Variants in ZNF716 observed in about 807,000 individuals in gnomAD.
ZNF716 encodes zinc finger protein 716.
A neutral mutation model predicts 13.4 loss-of-function variants in ZNF716; 9 were observed. The ratio of observed to expected loss-of-function variants is 0.67; its 90% CI spans 0.41 to 1.18. The LOEUF is 1.18. ZNF716 is among the 50% of genes most tolerant of loss of function. The pLI, the probability that ZNF716 is intolerant of heterozygous loss-of-function variation, is 0.01. For missense variants in ZNF716, 581 were observed against 576.6 expected (o/e 1.01, Z -0.08); for synonymous variants, 186 against 195.2 (o/e 0.95, Z 0.39).
At chr7:57,451,441 A>ATTTTTTTTTTTT (rs782311074) in intron 1 of ZNF716, among the ~76,000 whole-genome samples, 1 of 89,036 alleles carries the variant, frequency 1.1e-5, no homozygotes, top group African/African-American at 4.6e-5. Flanking sequence ...TTTCCCTTGG[A>ATTTTTTTTTTTT]TTTTTTTTTT....
At chr7:57,450,837 G>A (rs1397992292) in intron 1 of ZNF716, among the ~76,000 whole-genome samples, 5 of 151,990 alleles carry the variant, frequency 3.3e-5, no homozygotes, top group Non-Finnish European at 5.9e-5. Flanking sequence ...GAGACTTGAA[G>A]GAAAGTTTGT....
intron 3 of ZNF716, among the ~76,000 whole-genome samples, chr7:57,466,444 C>T (rs1789816999): frequency 1.3e-5 from 2 of 151,732 alleles, no homozygotes; most frequent in Non-Finnish European, 1.5e-5. Flanking sequence ...TGACTTGGCA[C>T]AATCCCCTTG....
intron 1 of ZNF716, among the ~76,000 whole-genome samples, chr7:57,451,770 CTTT>C (rs76825087): frequency 1.5e-5 from 2 of 136,120 alleles, no homozygotes; most frequent in Admixed American, 7.5e-5. Context: ...CTCTTTCTTT[CTTT>C]TTTTTTTTTT....
At chr7:57,452,587 A>G (rs1789516559) in intron 1 of ZNF716, among the ~76,000 whole-genome samples, 1 of 152,074 alleles carries the variant, frequency 6.6e-6, no homozygotes, top group Non-Finnish European at 1.5e-5. Context: ...GCAGTGAGCC[A>G]AGATGGTGCC....
At chr7:57,468,251 C>T (rs1773515346) in intron 3 of ZNF716, among the ~76,000 whole-genome samples, 1 of 152,178 alleles carries the variant, frequency 6.6e-6, no homozygotes, top group African/African-American at 2.4e-5. Context: ...TTAACATTCA[C>T]TTTTGATTTC....
chr7:57,463,841 AC>A (rs1465518020), intron 3 of ZNF716, among the ~76,000 whole-genome samples: 1 of 151,960 alleles, frequency 6.6e-6, no homozygotes, highest in Non-Finnish European at 1.5e-5. Flanking sequence ...TATTTGAAAA[AC>A]ATTCATGATA....
At chr7:57,461,284 A>G (rs574299589) in intron 1 of ZNF716, among the ~76,000 whole-genome samples, 9 of 152,270 alleles carry the variant, frequency 5.9e-5, no homozygotes, top group African/African-American at 1.9e-4. Flanking sequence ...CTCATAAAAT[A>G]TATATAGTTA....
At chr7:57,456,683 C>T (rs532090961) in intron 1 of ZNF716, among the ~76,000 whole-genome samples, 1 of 151,514 alleles carries the variant, frequency 6.6e-6, no homozygotes, top group African/African-American at 2.4e-5. Flanking sequence ...TGCAGTGAGC[C>T]GAGATCGTGC....
At chr7:57,458,346 C>A (rs1789641279) in intron 1 of ZNF716, among the ~76,000 whole-genome samples, 1 of 152,084 alleles carries the variant, frequency 6.6e-6, no homozygotes, top group Non-Finnish European at 1.5e-5. Context: ...TGAATTATTT[C>A]TTTTTTCTTT....
Position 57,470,311 on chromosome 7 carries a change from C to T in ZNF716, c.*362C>T, listed in dbSNP as rs185419634. The T allele has an allele frequency of 1.3e-3, 228 of 170,364 alleles. 2 individuals carry two copies. The highest frequency in any genetic ancestry group is 4.8e-3 in the African/African-American group (201 of 41,668). The allele number at this position is 170,364 out of a possible 1,614,324, so 10.6% of individuals were successfully genotyped here. A position where few individuals can be genotyped will look rare whatever the true frequency, so the allele number is the denominator to read the frequency against. ...TCCTGAGTAGCTGGAATTACAGGCA[C>T]GTGCAACCACACTGGCTGAGTTTTG... On this transcript the variant is annotated 3_prime_UTR_variant, in exon 4 of 4. Coordinates refer to ENST00000420713, the MANE Select transcript of ZNF716 (RefSeq NM_001159279.1).
chr7:57,461,846 C>T (rs11972967), intron 1 of ZNF716, among the ~76,000 whole-genome samples: 58,397 of 151,908 alleles, frequency 0.38, 11,428 homozygotes, highest in East Asian at 0.51. Context: ...TTCTGTATGA[C>T]GTAAATATAG....
intron 1 of ZNF716, among the ~76,000 whole-genome samples, chr7:57,453,638 T>C (rs1554321813): frequency 6.6e-6 from 1 of 152,180 alleles, no homozygotes; most frequent in Non-Finnish European, 1.5e-5. Context: ...TTTCACACAG[T>C]ATTCTAAGGC....
intron 1 of ZNF716, among the ~76,000 whole-genome samples, chr7:57,450,746 A>G (rs1472876434): frequency 6.6e-6 from 1 of 152,120 alleles, no homozygotes; most frequent in African/African-American, 2.4e-5. Flanking sequence ...GTCGCTGTAA[A>G]AATATCAGAG....
intron 1 of ZNF716, among the ~76,000 whole-genome samples, chr7:57,459,219 C>T (rs187391140): frequency 3.7e-4 from 57 of 152,056 alleles, no homozygotes; most frequent in South Asian, 1.7e-3. Flanking sequence ...AGTACCAGCT[C>T]CCAGGGTGCT....
chr7:57,460,597 T>A (rs1789691110), intron 1 of ZNF716, among the ~76,000 whole-genome samples: 1 of 152,166 alleles, frequency 6.6e-6, no homozygotes, highest in African/African-American at 2.4e-5. Flanking sequence ...ATTCTCTTCA[T>A]CTCGGGTTCT....
In ZNF716 at chr7:57,450,208, CCTT is replaced by C. The variant is rs2116398911; in HGVS notation, c.-78_-76del. The C allele has an allele frequency of 6.2e-7, 1 of 1,600,204 alleles. No homozygotes were observed. The highest frequency in any genetic ancestry group is 8.5e-7 in the Non-Finnish European group (1 of 1,170,688). Reference sequence around the variant, plus strand: ...GCTTCTCTGCGCCCAGAGCTCCAGTCCTTCTCTTCACTGCTCTGCGTCCTCTGC... The same window carrying C: ...GCTTCTCTGCGCCCAGAGCTCCAGTCCTCTTCACTGCTCTGCGTCCTCTGC... On this transcript the variant is annotated 5_prime_UTR_variant, in exon 1 of 4. Transcript: ENST00000420713.
chr7:57,464,813 A>G (rs187540546), intron 3 of ZNF716, among the ~76,000 whole-genome samples: 154 of 152,170 alleles, frequency 1.0e-3, no homozygotes, highest in Middle Eastern at 6.8e-3. Context: ...AGTTTTCAAC[A>G]TTGTCTGTTG....
intron 1 of ZNF716, among the ~76,000 whole-genome samples, chr7:57,453,241 T>G (rs1554321770): frequency 1.3e-5 from 2 of 152,188 alleles, no homozygotes; most frequent in African/African-American, 4.8e-5. Context: ...GGGGAACTCA[T>G]GAGGGCACAG....
At chr7:57,460,554 T>C (rs1223740634) in intron 1 of ZNF716, among the ~76,000 whole-genome samples, 2 of 152,100 alleles carry the variant, frequency 1.3e-5, no homozygotes, top group Non-Finnish European at 2.9e-5. Flanking sequence ...CTGAAAAAAA[T>C]ATTTTTTTTC....
Sources: allele counts gnomAD v4.1 joint callset (sites outside exome capture counted in the v4.1 genomes callset), GRCh38; gene constraint gnomAD v4.1.1; transcripts MANE v1.5; gene names NCBI Gene and HGNC (gene_info 2026-07-23, HGNC 2026-07-21).